The following SGCG variants were observed in gnomAD, a reference collection of about 807,000 sequenced individuals.
SGCG encodes the protein sarcoglycan gamma, also known as gamma-sarcoglycan.
A neutral mutation model predicts 29.3 loss-of-function variants in SGCG; 26 were observed. The ratio of observed to expected loss-of-function variants is 0.89; its 90% CI spans 0.65 to 1.23. SGCG has a LOEUF of 1.23. SGCG is among the 50% of genes most tolerant of loss of function. The pLI is 0.00. For synonymous variants in SGCG, 145 were observed against 129.7 expected (o/e 1.12, Z -0.80); for missense variants, 353 against 356.0 (o/e 0.99, Z 0.07).
chr13:23,248,675 C>T (rs1191186078), intron 3 of SGCG, among the ~76,000 whole-genome samples: 1 of 144,726 alleles, frequency 6.9e-6, no homozygotes, highest in Non-Finnish European at 1.5e-5. Flanking sequence ...GCCTGGGCGG[C>T]GGAACTAGAC....
intron 6 of SGCG, among the ~76,000 whole-genome samples, chr13:23,313,842 G>C (rs149786005): frequency 0.17 from 25,571 of 152,166 alleles, 2,527 homozygotes; most frequent in East Asian, 0.31. Flanking sequence ...CAGTGGGCTG[G>C]GGAAGGCAGA....
upstream of SGCG, among the ~76,000 whole-genome samples, chr13:23,179,089 C>A (rs1593156541): frequency 3.3e-5 from 5 of 152,294 alleles, no homozygotes; most frequent in South Asian, 1.0e-3. Context: ...GCTTTGTAAT[C>A]TGGAACAAAT....
chr13:23,250,716 C>T lies in SGCG; in HGVS notation c.384C>T (p.Val128=), dbSNP rs777732200. Residue 128 remains valine (V), a splice_region_variant and synonymous_variant, in exon 4 of 8, where the codon GTC becomes GTT. Coordinates refer to ENST00000218867, the MANE Select transcript of SGCG (RefSeq NM_000231.3). Reference sequence around the variant, plus strand: ...GGGAGGTCACAGGCAGGTTAAAAGTCGGTGAGTCCAGCTTCATCATGGTGC... The same window carrying T: ...GGGAGGTCACAGGCAGGTTAAAAGTTGGTGAGTCCAGCTTCATCATGGTGC... ...SEGEVTGRLK[V]GPKMVEVQNQ... is the part of the protein sequence containing the mutation. 1.2e-5 allele frequency: 19 copies of T among 1,585,958 alleles called. No homozygotes were observed. The East Asian group carries it at 2.5e-4, about 21-fold the overall frequency.
intron 5 of SGCG, among the ~76,000 whole-genome samples, chr13:23,285,088 A>G (rs1881445400): frequency 6.6e-6 from 1 of 152,190 alleles, no homozygotes. Flanking sequence ...CACAGGGGTC[A>G]GGGACCCACT....
intron 1 of SGCG, among the ~76,000 whole-genome samples, chr13:23,186,412 G>A (rs1042652428): frequency 1.3e-5 from 2 of 152,200 alleles, no homozygotes; most frequent in Admixed American, 6.5e-5. Context: ...GCAGCAGCTT[G>A]AAGATGACTG....
the SGCG span, among the ~76,000 whole-genome samples, chr13:23,166,122 T>C: frequency 6.6e-6 from 1 of 152,202 alleles, no homozygotes; most frequent in African/African-American, 2.4e-5. Context: ...GTCCCTGGTC[T>C]TGGTGTAAAA....
At chr13:23,184,573 A>G (rs1876893879) in intron 1 of SGCG, among the ~76,000 whole-genome samples, 2 of 152,248 alleles carry the variant, frequency 1.3e-5, no homozygotes, top group Admixed American at 1.3e-4. Context: ...TTTAAGAGTC[A>G]TGTCTATACA....
chr13:23,218,584 G>GGGTA (rs1231103256), intron 2 of SGCG, among the ~76,000 whole-genome samples: 8 of 152,100 alleles, frequency 5.3e-5, no homozygotes, highest in African/African-American at 1.9e-4. Flanking sequence ...TGTTGGGAAA[G>GGGTA]GGTAGTAAAC....
intron 2 of SGCG, among the ~76,000 whole-genome samples, chr13:23,209,598 A>C (rs373324023): frequency 6.6e-6 from 1 of 152,232 alleles, no homozygotes; most frequent in East Asian, 1.9e-4. Flanking sequence ...CACAGTGGTC[A>C]TGGAGGGTTA....
chr13:23,204,636 C>A (rs12866724), intron 2 of SGCG, among the ~76,000 whole-genome samples: 2 of 113,292 alleles, frequency 1.8e-5, no homozygotes, highest in Non-Finnish European at 3.7e-5. Flanking sequence ...CCTTTCTTTC[C>A]TTTCTTTCTC....
chr13:23,188,287 G>A (rs73168628), intron 1 of SGCG, among the ~76,000 whole-genome samples: 14,908 of 139,500 alleles, frequency 0.11, 1,016 homozygotes, highest in East Asian at 0.29. Flanking sequence ...CTCTCTCACC[G>A]TCTGAACACA....
intron 3 of SGCG, among the ~76,000 whole-genome samples, chr13:23,241,858 G>C (rs1879527954): frequency 6.6e-6 from 1 of 152,102 alleles, no homozygotes; most frequent in African/African-American, 2.4e-5. Flanking sequence ...GATAGATGCA[G>C]AAAAAGCATT....
intron 4 of SGCG, among the ~76,000 whole-genome samples, chr13:23,262,868 C>T (rs1210270863): frequency 6.6e-6 from 1 of 151,894 alleles, no homozygotes; most frequent in Non-Finnish European, 1.5e-5. Flanking sequence ...CAAAATTATA[C>T]AAATGTATGG....
chr13:23,279,958 C>T (rs1425281411), intron 5 of SGCG, among the ~76,000 whole-genome samples: 1 of 152,056 alleles, frequency 6.6e-6, no homozygotes, highest in Non-Finnish European at 1.5e-5. Flanking sequence ...AAACTCCTGA[C>T]CTCAAATGAT....
At chr13:23,233,741 T>C (rs1383863974) in intron 2 of SGCG, among the ~76,000 whole-genome samples, 2 of 152,094 alleles carry the variant, frequency 1.3e-5, no homozygotes, top group East Asian at 3.9e-4. Flanking sequence ...GCCTCCAAAC[T>C]GAAATAGTAA....
rs1189871837 is a variant in SGCG at position 23,322,765 on chromosome 13, T to TCCCCCCCCCCCCCCCCCCCCCC, written c.703-1601_703-1600insCCCCCCCCCCCCCCCCCCCCCC. ...CGATGCACAGACCGCCCCCCACCCA[T>TCCCCCCCCCCCCCCCCCCCCCC]CCACCTCCCCCCCCCCCCCCCCCCG... On this transcript the variant is annotated intron_variant, in intron 7 of 7. Transcript: ENST00000218867. 2.8e-4 allele frequency among the ~76,000 whole-genome samples: 17 copies of TCCCCCCCCCCCCCCCCCCCCCC among 61,444 alleles called. 1 individual carries two copies. The highest frequency in any genetic ancestry group is 7.5e-4 in the Admixed American group (4 of 5,358). The allele number at this position is 61,444 out of a possible 152,430, so 40.3% of individuals were successfully genotyped here. A position where few individuals can be genotyped will look rare whatever the true frequency, so the allele number is the denominator to read the frequency against.
At chr13:23,310,201 C>T (rs966070629) in intron 6 of SGCG, among the ~76,000 whole-genome samples, 4 of 150,024 alleles carry the variant, frequency 2.7e-5, no homozygotes, top group Non-Finnish European at 5.9e-5. Context: ...ATTCTCCTGC[C>T]TCAGCCTCCC....
chr13:23,296,025 T>A (rs75121452), intron 6 of SGCG, among the ~76,000 whole-genome samples: 2,003 of 152,366 alleles, frequency 0.013, 24 homozygotes, highest in Middle Eastern at 0.034. Flanking sequence ...CTCATGAATG[T>A]CTGCTCATCC....
At position 23,262,206 on chromosome 13, in the gene SGCG, T is replaced by C. The variant is rs371209622; in HGVS notation, c.385+11489T>C. 2.6e-5 allele frequency among the ~76,000 whole-genome samples: 4 copies of C among 152,114 alleles called. No individual in the cohort carries two copies. In the East Asian group the frequency reaches 7.7e-4, roughly 29 times the overall value. On this transcript the variant is annotated intron_variant, in intron 4 of 7. Transcript: ENST00000218867. Reference sequence around the variant, plus strand: ...TGGTCTAAATGCTCCACTTAAAAGATACAGATTAGCAAAATGGATTAAAAA... The same window carrying C: ...TGGTCTAAATGCTCCACTTAAAAGACACAGATTAGCAAAATGGATTAAAAA...
Sources: gnomAD v4.1 joint callset for allele counts (sites outside exome capture counted in the v4.1 genomes callset) on GRCh38, gnomAD v4.1.1 for gene constraint, MANE v1.5 for transcripts, NCBI Gene and HGNC (gene_info 2026-07-23, HGNC 2026-07-21) for gene names.